Variants in ETV6 observed in about 807,000 individuals in gnomAD.
The protein encoded by ETV6 is ETS variant transcription factor 6.
In ETV6, 16 loss-of-function variants were observed where a neutral mutation model predicts 51.1. The ratio of observed to expected loss-of-function variants is 0.31; its 90% CI spans 0.21 to 0.48. The LOEUF is 0.48. Among genes scored for constraint, ETV6 ranks in the 20% least tolerant of loss-of-function variants. ETV6 has a pLI of 0.99. For synonymous variants in ETV6, 240 were observed against 224.1 expected (o/e 1.07, Z -0.64); for missense variants, 458 against 594.8 (o/e 0.77, Z 2.39).
At chr12:11,816,729 C>T (rs76803639) in intron 2 of ETV6, among the ~76,000 whole-genome samples, 6,000 of 152,196 alleles carry the variant, frequency 0.039, 137 homozygotes, top group East Asian at 0.086. Flanking sequence ...CCAGCTAAGC[C>T]AAAGGATGGT....
intron 1 of ETV6, among the ~76,000 whole-genome samples, chr12:11,738,170 TTTGCTTGCTTGC>T (rs760732066): frequency 1.5e-4 from 22 of 151,724 alleles, no homozygotes; most frequent in Admixed American, 6.6e-5. Context: ...GCTCTGCTAG[TTTGCTTGCTTGC>T]TTGCTTGCTT....
intron 2 of ETV6, among the ~76,000 whole-genome samples, chr12:11,820,274 G>A (rs372331812): frequency 9.9e-5 from 15 of 152,148 alleles, no homozygotes; most frequent in Admixed American, 2.6e-4. Context: ...ATCATGTGCC[G>A]TAGCTTCTCA....
chr12:11,698,552 T>A (rs77199809), intron 1 of ETV6, among the ~76,000 whole-genome samples: 1,973 of 152,266 alleles, frequency 0.013, 46 homozygotes, highest in East Asian at 0.11. Context: ...TGTTCCATAC[T>A]ATGTGGGCCT....
chr12:11,730,032 A>C, intron 1 of ETV6, among the ~76,000 whole-genome samples: 1 of 152,168 alleles, frequency 6.6e-6, no homozygotes, highest in East Asian at 1.9e-4. Context: ...TTTTCTGTGC[A>C]AGCGAAAATT....
chr12:11,869,886 G>C lies in ETV6; in HGVS notation c.926G>C (p.Arg309Pro). The C allele has an allele frequency of 6.2e-7, 1 of 1,612,720 alleles. No homozygotes were observed. The part of the protein sequence containing the change: ...REGKPINLSH[R>P]EDLAYMNHIM... Reference sequence around the variant, plus strand: ...GGGAAGCCCATCAACCTCTCTCATCGGGAAGACCTGGCTTACATGAACCAC... The same window carrying C: ...GGGAAGCCCATCAACCTCTCTCATCCGGAAGACCTGGCTTACATGAACCAC... The change falls in exon 5 of 8, where the codon CGG becomes CCG. Residue 309 changes from arginine (R) to proline (P), a missense_variant. Coordinates refer to ENST00000396373, the MANE Select transcript of ETV6 (RefSeq NM_001987.5). The surrounding 1 kb of genome is among the most constrained non-coding windows in gnomAD (Gnocchi z 5.0).
At chr12:11,785,223 T>C (rs570738029) in intron 2 of ETV6, among the ~76,000 whole-genome samples, 2 of 152,280 alleles carry the variant, frequency 1.3e-5, no homozygotes, top group East Asian at 3.9e-4. Context: ...AGCATGTTCC[T>C]ACCTCAGGCC....
intron 1 of ETV6, among the ~76,000 whole-genome samples, chr12:11,687,624 T>C (rs1420939327): frequency 6.6e-6 from 1 of 152,244 alleles, no homozygotes; most frequent in Admixed American, 6.5e-5. Context: ...TAATGCTTAA[T>C]AAGTACAGTA....
chr12:11,782,600 A>G (rs1256536545), intron 2 of ETV6, among the ~76,000 whole-genome samples: 1 of 152,136 alleles, frequency 6.6e-6, no homozygotes, highest in Non-Finnish European at 1.5e-5. Flanking sequence ...ACTAATGTGG[A>G]AAGACAGAGG....
chr12:11,860,999 T>TA (rs1013660394), intron 4 of ETV6, among the ~76,000 whole-genome samples: 5 of 152,202 alleles, frequency 3.3e-5, no homozygotes, highest in Non-Finnish European at 5.9e-5. Flanking sequence ...CAGTCTTCAT[T>TA]ACTCTCAGAA....
At chr12:11,769,772 G>A (rs1367593772) in intron 2 of ETV6, among the ~76,000 whole-genome samples, 1 of 152,234 alleles carries the variant, frequency 6.6e-6, no homozygotes, top group East Asian at 1.9e-4. Flanking sequence ...AGTGCGGGAA[G>A]GTGGAAGACA....
chr12:11,872,854 CT>C (rs896167028), intron 5 of ETV6, among the ~76,000 whole-genome samples: 2 of 152,102 alleles, frequency 1.3e-5, no homozygotes, highest in African/African-American at 4.8e-5. Context: ...TGGATGCGGC[CT>C]CATCGGTTAG....
At chr12:11,878,467 A>T (rs1363291064) in intron 5 of ETV6, among the ~76,000 whole-genome samples, 4 of 152,184 alleles carry the variant, frequency 2.6e-5, no homozygotes, top group Non-Finnish European at 4.4e-5. Context: ...GCTGGGCCTT[A>T]TTAGGTTCTG....
chr12:11,855,739 G>C (rs1242242166), intron 4 of ETV6, among the ~76,000 whole-genome samples: 1 of 152,088 alleles, frequency 6.6e-6, no homozygotes, highest in East Asian at 1.9e-4. Flanking sequence ...TTTCGTGCAC[G>C]CTCCCTGCCT....
At chr12:11,654,668 G>T (rs1863966919) in intron 1 of ETV6, among the ~76,000 whole-genome samples, 1 of 152,098 alleles carries the variant, frequency 6.6e-6, no homozygotes. Context: ...GGAGATGAGA[G>T]AAGAAGGGCC....
At chr12:11,736,557 G>C (rs1305127068) in intron 1 of ETV6, among the ~76,000 whole-genome samples, 1 of 152,184 alleles carries the variant, frequency 6.6e-6, no homozygotes, top group African/African-American at 2.4e-5. Context: ...TTGAGGAATG[G>C]TGCTGCTTTT....
chr12:11,743,210 C>T (rs1259867445), intron 1 of ETV6, among the ~76,000 whole-genome samples: 1 of 152,164 alleles, frequency 6.6e-6, no homozygotes, highest in South Asian at 2.1e-4. Context: ...ATTTCTTTTA[C>T]GTTGCTTTTT....
rs1304924499 is a variant in ETV6 at position 11,810,878 on chromosome 12, C to T, written c.164-28262C>T. ...CTATTCCAAATATGACATCACTGAGCGATGGCCACCCACCTTCCCTTGGAT... is the reference window on the plus strand; with the variant it reads ...CTATTCCAAATATGACATCACTGAGTGATGGCCACCCACCTTCCCTTGGAT... On this transcript the variant is annotated intron_variant, in intron 2 of 7. Transcript: ENST00000396373. 2.0e-5 allele frequency among the ~76,000 whole-genome samples: 3 copies of T among 152,146 alleles called. No homozygotes were observed. The South Asian group carries it at 6.2e-4, about 31-fold the overall frequency.
chr12:11,852,393 C>T (rs1181011967), intron 3 of ETV6, among the ~76,000 whole-genome samples: 1 of 152,176 alleles, frequency 6.6e-6, no homozygotes, highest in Admixed American at 6.5e-5. Context: ...AGGGAAGCAT[C>T]CCAGAACATG....
Position 11,892,267 on chromosome 12 carries a change from C to G in ETV6, c.*1221C>G, listed in dbSNP as rs1947305735. On this transcript the variant is annotated 3_prime_UTR_variant, in exon 8 of 8. Coordinates refer to ENST00000396373, the MANE Select transcript of ETV6 (RefSeq NM_001987.5). ...AACCTTTTTTAAAGTTTCCTGGTCTCCACTGGACACAGAGCTTTGGAGACG... is the reference window on the plus strand; with the variant it reads ...AACCTTTTTTAAAGTTTCCTGGTCTGCACTGGACACAGAGCTTTGGAGACG... 4.7e-6 allele frequency: 1 copy of G among 211,192 alleles called. No individual in the cohort carries two copies. The highest frequency in any genetic ancestry group is 8.8e-6 in the Non-Finnish European group (1 of 113,056). The allele number at this position is 211,192 out of a possible 1,614,324, so 13.1% of individuals were successfully genotyped here.
Sources: allele counts gnomAD v4.1 joint callset (sites outside exome capture counted in the v4.1 genomes callset), GRCh38; gene constraint gnomAD v4.1.1; non-coding constraint Gnocchi (gnomAD v3.1); transcripts MANE v1.5; gene names NCBI Gene and HGNC (gene_info 2026-07-23, HGNC 2026-07-21).